The following PDE6A variants were observed in gnomAD, a reference collection of about 807,000 sequenced individuals.
PDE6A encodes rod cGMP-specific 3',5'-cyclic phosphodiesterase subunit alpha.
In PDE6A, 84 loss-of-function variants were observed where a neutral mutation model predicts 106.3. The observed-to-expected ratio is 0.79, with a 90% CI of 0.66 to 0.95. The LOEUF (loss-of-function observed/expected upper bound fraction) is 0.95. Among genes scored for constraint, PDE6A ranks in the 40% least tolerant of loss-of-function variants. The pLI is 0.00. For missense variants in PDE6A, 1,052 were observed against 1,084.9 expected (o/e 0.97, Z 0.43); for synonymous variants, 394 against 386.6 (o/e 1.02, Z -0.23).
chr5:149,892,112 A>G (rs1389803824), intron 13 of PDE6A, among the ~76,000 whole-genome samples: 1 of 152,188 alleles, frequency 6.6e-6, no homozygotes, highest in Non-Finnish European at 1.5e-5. Context: ...CAGGAGTTCA[A>G]GACCATGGCA....
intron 9 of PDE6A, among the ~76,000 whole-genome samples, chr5:149,898,769 T>C (rs1436367972): frequency 6.6e-6 from 1 of 152,250 alleles, no homozygotes; most frequent in African/African-American, 2.4e-5. Context: ...TTTTTGCCTA[T>C]GTGGGGATAG....
chr5:149,867,245 C>T (rs541824719), intron 19 of PDE6A: 20 of 216,828 alleles, frequency 9.2e-5, no homozygotes, highest in African/African-American at 4.3e-4. Context: ...CTGCGCATCT[C>T]CATGGGAAGC....
chr5:149,865,326 T>C (rs1760290229), intron 20 of PDE6A, among the ~76,000 whole-genome samples: 1 of 151,240 alleles, frequency 6.6e-6, no homozygotes, highest in Admixed American at 6.6e-5. Context: ...GGGAGGATCA[T>C]TTGGGCCTGG....
Position 149,933,973 on chromosome 5 carries a change from T to C in PDE6A, c.674A>G (p.Tyr225Cys). ...LNFANLIMKV[Y>C]HLSYLHNCET... ...ACAGTTGTGCAGGTAACTCAGGTGG[T>C]ACACCTTCATGATTAGATTTGCAAA... Residue 225 changes from tyrosine to cysteine, a missense_variant, in exon 3 of 22, where the codon TAC becomes TGC. Coordinates refer to ENST00000255266, the MANE Select transcript of PDE6A (RefSeq NM_000440.3). 1.2e-6 allele frequency: 2 copies of C among 1,613,896 alleles called. No individual in the cohort carries two copies. Among genetic ancestry groups the C allele is most frequent in the East Asian group, 2.2e-5 (1 of 44,884 alleles).
At chr5:149,931,197 G>A (rs759025348) in intron 3 of PDE6A, 29 bp from the exon 4 acceptor site, 100 of 1,612,720 alleles carry the variant, frequency 6.2e-5, no homozygotes, top group Non-Finnish European at 7.5e-5. Context: ...ATATTCATAG[G>A]TTTTGAGGTG....
chr5:149,882,321 T>G (rs1455397419), intron 17 of PDE6A, among the ~76,000 whole-genome samples: 1 of 151,964 alleles, frequency 6.6e-6, no homozygotes, highest in African/African-American at 2.4e-5. Flanking sequence ...TTGCAATGCT[T>G]GTGACTTAAT....
chr5:149,930,026 T>C (rs961126684), intron 4 of PDE6A, among the ~76,000 whole-genome samples: 4 of 152,190 alleles, frequency 2.6e-5, no homozygotes, highest in Non-Finnish European at 5.9e-5. Flanking sequence ...CCTCCTAAAG[T>C]CCTGGGATTA....
intron 7 of PDE6A, among the ~76,000 whole-genome samples, chr5:149,906,401 C>T (rs1753181432): frequency 6.6e-6 from 1 of 151,080 alleles, no homozygotes; most frequent in Non-Finnish European, 1.5e-5. Context: ...TGGTGCATGC[C>T]TGTAATCACA....
intron 20 of PDE6A, among the ~76,000 whole-genome samples, chr5:149,865,887 C>T: frequency 6.6e-6 from 1 of 152,224 alleles, no homozygotes; most frequent in East Asian, 1.9e-4. Context: ...CTTAGAAGGA[C>T]ATATGTCTAC....
chr5:149,942,317 T>C (rs369008168), intron 1 of PDE6A, among the ~76,000 whole-genome samples: 1 of 152,112 alleles, frequency 6.6e-6, no homozygotes, highest in Non-Finnish European at 1.5e-5. Context: ...CAGGCTGGAG[T>C]GCAGTGTCTA....
intron 1 of PDE6A, among the ~76,000 whole-genome samples, chr5:149,934,933 G>T (rs1754140886): frequency 6.6e-6 from 1 of 152,174 alleles, no homozygotes. Flanking sequence ...GTGGAGGAGA[G>T]GTGTGCAAAG....
At chr5:149,919,630 T>TGTAG in intron 5 of PDE6A, among the ~76,000 whole-genome samples, 1 of 152,118 alleles carries the variant, frequency 6.6e-6, no homozygotes, top group African/African-American at 2.4e-5. Flanking sequence ...ACTCACTGTA[T>TGTAG]CTCAGTCAAA....
At chr5:149,932,077 C>A (rs1336587787) in intron 3 of PDE6A, 8 of 1,405,774 alleles carry the variant, frequency 5.7e-6, no homozygotes, top group Non-Finnish European at 8.1e-6. Context: ...ACGACCATTT[C>A]TCTTTTAGCA....
rs148052715 is a variant in PDE6A, at chr5:149,885,595, G to A, written c.1838+670C>T. Among the ~76,000 whole-genome samples the A allele has an allele frequency of 1.9e-3, 294 of 152,350 alleles. No individual in the cohort carries two copies. The East Asian group carries it at 0.029, about 15-fold the overall frequency. ...GAAGCACTGTAAATACGAGATGAGTGAATGAACCATTACTGGTTATTAACA... is the reference window on the plus strand; with the variant it reads ...GAAGCACTGTAAATACGAGATGAGTAAATGAACCATTACTGGTTATTAACA... On this transcript the variant is annotated intron_variant, in intron 14 of 21. Transcript: ENST00000255266.
At position 149,866,256 on chromosome 5, in the gene PDE6A, G is replaced by A; in HGVS notation, c.2275-3C>T. ...GCTTTGTTTCTGTCCATCATGGGCT[G>A]TCATGGGGGAGAAAGAGTTAATTGC... On this transcript the variant is annotated splice_region_variant and splice_polypyrimidine_tract_variant and intron_variant, in intron 19 of 21. Coordinates refer to ENST00000255266, the MANE Select transcript of PDE6A (RefSeq NM_000440.3). 1.2e-6 allele frequency: 2 copies of A among 1,610,966 alleles called. No homozygotes were observed. Among genetic ancestry groups the A allele is most frequent in the Non-Finnish European group, 8.5e-7 (1 of 1,177,068 alleles).
At chr5:149,913,175 A>G (rs3776062) in intron 6 of PDE6A, among the ~76,000 whole-genome samples, 16,791 of 152,142 alleles carry the variant, frequency 0.11, 1,217 homozygotes, top group East Asian at 0.2. Flanking sequence ...TGAGGTCAGG[A>G]GTTTGAGACC....
chr5:149,909,332 A>G (rs966070253), intron 6 of PDE6A, among the ~76,000 whole-genome samples: 1 of 152,144 alleles, frequency 6.6e-6, no homozygotes, highest in East Asian at 1.9e-4. Flanking sequence ...AATTTTTAAA[A>G]TTTTTTTATA....
chr5:149,917,527 C>T lies in PDE6A; in HGVS notation c.934-2520G>A, dbSNP rs1753592001. 2.6e-5 allele frequency among the ~76,000 whole-genome samples: 4 copies of T among 152,256 alleles called. 1 individual carries two copies. The South Asian group carries it at 8.3e-4, about 32-fold the overall frequency. On this transcript the variant is annotated intron_variant, in intron 5 of 21. Coordinates refer to ENST00000255266, the MANE Select transcript of PDE6A (RefSeq NM_000440.3). ...AGAGGCTCTGCTGCTCAAAGCCTAG[C>T]ATTGGCGGCAGCTGCACTGACTGAA...
intron 13 of PDE6A, among the ~76,000 whole-genome samples, chr5:149,888,900 A>G (rs919548462): frequency 9.9e-5 from 15 of 151,642 alleles, no homozygotes; most frequent in Non-Finnish European, 1.8e-4. Context: ...TGGCTAACAC[A>G]GTGAAACCCC....
Sources: allele counts gnomAD v4.1 joint callset (sites outside exome capture counted in the v4.1 genomes callset), GRCh38; gene constraint gnomAD v4.1.1; transcripts MANE v1.5; gene names NCBI Gene and HGNC (gene_info 2026-07-23, HGNC 2026-07-21).